Variants in EXPH5 observed in about 807,000 individuals in gnomAD.
EXPH5 encodes exophilin 5, also known as exophilin-5.
EXPH5 carries 42 observed loss-of-function variants against 41.1 expected under a neutral mutation model. The observed-to-expected ratio is 1.02, with a 90% CI of 0.80 to 1.32. The LOEUF (loss-of-function observed/expected upper bound fraction) is 1.32. EXPH5 is among the 40% of genes most tolerant of loss of function. The pLI is 0.00. For synonymous variants in EXPH5, 798 were observed against 833.5 expected, an observed-to-expected ratio of 0.96 and a Z score of 0.73; for missense variants, 2,298 against 2,314.5, an observed-to-expected ratio of 0.99 and a Z score of 0.15.
Position 108,541,634 on chromosome 11 carries a change from C to A in EXPH5, c.280+18G>T. On this transcript the variant is annotated intron_variant, in intron 2 of 5. Transcript: ENST00000265843. Reference sequence around the variant, plus strand: ...AGAAACAAAGAAATCAACTTTAAATCTAAAATCTTTTTCTTACCATTTTTT... The same window carrying A: ...AGAAACAAAGAAATCAACTTTAAATATAAAATCTTTTTCTTACCATTTTTT... The A allele has an allele frequency of 1.3e-6, 2 of 1,562,320 alleles. No homozygotes were observed. The highest frequency in any genetic ancestry group is 8.7e-7 in the Non-Finnish European group (1 of 1,143,718).
intron 1 of EXPH5, chr11:108,568,009 C>G (rs1188280540): frequency 6.6e-6 from 1 of 152,188 alleles, no homozygotes; most frequent in East Asian, 1.9e-4. Context: ...CCACAGTGCC[C>G]TATCCTGGTG....
chr11:108,554,109 G>T (rs1031476641), intron 1 of EXPH5, among the ~76,000 whole-genome samples: 3 of 150,870 alleles, frequency 2.0e-5, no homozygotes, highest in African/African-American at 7.3e-5. Flanking sequence ...TGTTGCACAG[G>T]CTGGAGTGCA....
chr11:108,533,008 C>T (rs2093853609), intron 3 of EXPH5, among the ~76,000 whole-genome samples: 2 of 152,208 alleles, frequency 1.3e-5, no homozygotes, highest in South Asian at 4.1e-4. Context: ...CGCAGTGCTG[C>T]ACATGGTATT....
intron 4 of EXPH5, among the ~76,000 whole-genome samples, chr11:108,526,004 T>C (rs2093796229): frequency 6.6e-6 from 1 of 150,726 alleles, no homozygotes. Context: ...AGCCTCCAAC[T>C]CCTGGGCTCA....
intron 1 of EXPH5, among the ~76,000 whole-genome samples, chr11:108,585,978 G>A (rs534053344): frequency 7.9e-5 from 12 of 152,286 alleles, no homozygotes; most frequent in African/African-American, 2.9e-4. Context: ...TTGCTCTGTA[G>A]CCCATACTGG....
At chr11:108,515,002 T>G (rs2093715189) in intron 5 of EXPH5, 127 bp from the exon 6 acceptor site, 1 of 488,604 alleles carries the variant, frequency 2.0e-6, no homozygotes, top group Non-Finnish European at 3.3e-6. Context: ...TATTATCATG[T>G]TATAACATTA....
At chr11:108,524,580 C>G (rs534725983) in intron 4 of EXPH5, among the ~76,000 whole-genome samples, 1 of 152,302 alleles carries the variant, frequency 6.6e-6, no homozygotes, top group African/African-American at 2.4e-5. Flanking sequence ...ATTCACTCCA[C>G]TGATACTGTC....
chr11:108,587,934 G>A lies in EXPH5; in HGVS notation c.119+5484C>T, dbSNP rs7938338. The stretch of plus-strand genomic sequence containing the variant: ...AGCCTGGCTAATTTTTGTATTTTTA[G>A]TAGAGATGGGGTTTCACCGTGTTGG... On this transcript the variant is annotated intron_variant, in intron 1 of 5. Coordinates refer to ENST00000265843, the MANE Select transcript of EXPH5 (RefSeq NM_015065.3). 6.5e-3 allele frequency among the ~76,000 whole-genome samples: 992 copies of A among 152,228 alleles called. 15 individuals are homozygous for A. The highest frequency in any genetic ancestry group is 0.022 in the African/African-American group (934 of 41,536).
intron 3 of EXPH5, among the ~76,000 whole-genome samples, chr11:108,528,593 G>A (rs1393865529): frequency 6.6e-6 from 1 of 152,046 alleles, no homozygotes; most frequent in Non-Finnish European, 1.5e-5. Flanking sequence ...ATGAGAAGAT[G>A]GAGGTACAGA....
intron 1 of EXPH5, among the ~76,000 whole-genome samples, chr11:108,569,296 A>T (rs1030267072): frequency 1.1e-4 from 17 of 150,210 alleles, no homozygotes; most frequent in Non-Finnish European, 2.4e-4. Flanking sequence ...CTATCTTATC[A>T]TTCGTCACGT....
In EXPH5 at chr11:108,509,941, G is replaced by A. The variant is rs762728361; in HGVS notation, c.5566C>T (p.Pro1856Ser). The A allele has an allele frequency of 2.7e-5, 43 of 1,611,764 alleles. No individual in the cohort carries two copies. The highest frequency in any genetic ancestry group is 3.6e-5 in the Non-Finnish European group (42 of 1,179,288). Residue 1856 changes from proline to serine, a missense_variant, in exon 6 of 6, where the codon CCC (proline) becomes TCC (serine). Transcript: ENST00000265843. ...CAACTTTCATTTCCATCACAGGAGG[G>A]GAGTTCAGAAAAAGATCTGAATCTT... ...SRRFRSFSEL[P>S]SCDGNESWAY...
chr11:108,576,665 A>G (rs2094080668), intron 1 of EXPH5, among the ~76,000 whole-genome samples: 1 of 152,222 alleles, frequency 6.6e-6, no homozygotes, highest in African/African-American at 2.4e-5. Flanking sequence ...ATAAGAATAC[A>G]ATGTGTAATG....
In EXPH5 at chr11:108,573,136, G is replaced by GAGGGA. The variant is rs1565830472; in HGVS notation, c.119+20281_119+20282insTCCCT. 2.8e-4 allele frequency among the ~76,000 whole-genome samples: 33 copies of GAGGGA among 119,348 alleles called. 1 individual carries two copies. The highest frequency in any genetic ancestry group is 1.9e-4 in the Non-Finnish European group (11 of 58,024). The allele number at this position is 119,348 out of a possible 152,430, so 78.3% of individuals were successfully genotyped here. The stretch of plus-strand genomic sequence containing the variant: ...AAGAAAAAGAAAAGAAGGAAGGAAA[G>GAGGGA]AAGGAAAGAAAGAAAGAAAGAAAGA... On this transcript the variant is annotated intron_variant, in intron 1 of 5. Transcript: ENST00000265843.
chr11:108,540,433 G>A (rs920088538), intron 2 of EXPH5, among the ~76,000 whole-genome samples: 5 of 152,090 alleles, frequency 3.3e-5, no homozygotes, highest in Non-Finnish European at 5.9e-5. Flanking sequence ...AGTCATCAGG[G>A]TATGTATGGG....
chr11:108,606,019 C>G, the EXPH5 span, among the ~76,000 whole-genome samples: 1 of 152,166 alleles, frequency 6.6e-6, no homozygotes, highest in East Asian at 1.9e-4. Context: ...TGAGATCTCA[C>G]CATCACCTTC....
At chr11:108,521,962 G>A (rs776330057) in intron 4 of EXPH5, among the ~76,000 whole-genome samples, 1 of 152,144 alleles carries the variant, frequency 6.6e-6, no homozygotes, top group African/African-American at 2.4e-5. Flanking sequence ...GAGGGGTCAC[G>A]TGAAGAGATG....
chr11:108,603,089 C>T, the EXPH5 span, among the ~76,000 whole-genome samples: 2 of 152,150 alleles, frequency 1.3e-5, no homozygotes, highest in Non-Finnish European at 2.9e-5. Context: ...TGAAAAAGAC[C>T]TCTCTTTTCC....
chr11:108,574,375 CA>C (rs3054579), intron 1 of EXPH5, among the ~76,000 whole-genome samples: 258 of 138,358 alleles, frequency 1.9e-3, no homozygotes, highest in South Asian at 5.3e-3. Context: ...AAGACCATCT[CA>C]AAAAAAAAAA....
At chr11:108,526,112 A>G (rs1657603033) in intron 4 of EXPH5, among the ~76,000 whole-genome samples, 1 of 151,618 alleles carries the variant, frequency 6.6e-6, no homozygotes, top group Admixed American at 6.6e-5. Flanking sequence ...TTGTAGAGAC[A>G]GGGTCTCACT....
Sources: allele counts gnomAD v4.1 joint callset (sites outside exome capture counted in the v4.1 genomes callset), GRCh38; gene constraint gnomAD v4.1.1; transcripts MANE v1.5; gene names NCBI Gene and HGNC (gene_info 2026-07-23, HGNC 2026-07-21).